DNAH6: variants seen among roughly 807,000 people sequenced by gnomAD.
DNAH6 encodes the protein dynein axonemal heavy chain 6, also known as axonemal beta dynein heavy chain 6.
A neutral mutation model predicts 491.4 loss-of-function variants in DNAH6; 340 were observed. The ratio of observed to expected loss-of-function variants is 0.69; its 90% CI spans 0.63 to 0.76. DNAH6 has a LOEUF of 0.76. Ranked by LOEUF, DNAH6 falls within the 30% of genes least tolerant of loss-of-function variation. DNAH6 has a pLI of 0.00. For missense variants in DNAH6, 4,443 were observed against 4,972.2 expected (o/e 0.89, Z 3.20); for synonymous variants, 1,603 against 1,686.1 (o/e 0.95, Z 1.21).
At chr2:84,640,241 A>G (rs1205580350) in intron 31 of DNAH6, among the ~76,000 whole-genome samples, 189 bp from the exon 32 acceptor site, 1 of 152,200 alleles carries the variant, frequency 6.6e-6, no homozygotes, top group Non-Finnish European at 1.5e-5. Context: ...ATCCCCATAC[A>G]ATATTCTGCC....
At chr2:84,503,422 A>T in the DNAH6 span, among the ~76,000 whole-genome samples, 1 of 152,146 alleles carries the variant, frequency 6.6e-6, no homozygotes, top group Non-Finnish European at 1.5e-5. Context: ...ACAAGAGTAC[A>T]AGAGTCATTT....
chr2:84,718,359 T>G lies in DNAH6; in HGVS notation c.9767T>G (p.Leu3256Arg). 1.9e-6 allele frequency: 3 copies of G among 1,540,304 alleles called. No individual in the cohort carries two copies. The highest frequency in any genetic ancestry group is 2.6e-6 in the Non-Finnish European group (3 of 1,143,892). The change falls in exon 59 of 77, where the codon CTT (leucine) becomes CGT (arginine). Residue 3256 changes from leucine (L) to arginine (R), a missense_variant. This residue lies in a region of DNAH6 where 1,463 missense variants were observed against 1,656.6 expected (regional missense o/e 0.88). Transcript: ENST00000389394. Reference protein sequence around the residue: ...SEGNILDNEELIDTLQDSKIT... With the variant: ...SEGNILDNEERIDTLQDSKIT... ...GGAAATATTCTGGACAATGAAGAAC[T>G]TATTGACACACTCCAGGATTCAAAG...
chr2:84,691,405 A>G (rs1036367756), intron 45 of DNAH6, among the ~76,000 whole-genome samples: 1 of 152,218 alleles, frequency 6.6e-6, no homozygotes, highest in Non-Finnish European at 1.5e-5. Context: ...CTCTGCCCTC[A>G]ATTTTATGCT....
At chr2:84,696,830 AC>A (rs1695444241) in intron 46 of DNAH6, among the ~76,000 whole-genome samples, 1 of 152,148 alleles carries the variant, frequency 6.6e-6, no homozygotes, top group East Asian at 1.9e-4. Context: ...TATGTAAATT[AC>A]TCATGCAAAT....
intron 29 of DNAH6, among the ~76,000 whole-genome samples, chr2:84,630,099 C>T (rs923514905): frequency 1.3e-5 from 2 of 152,040 alleles, no homozygotes; most frequent in Non-Finnish European, 2.9e-5. Flanking sequence ...TTTATCCTGC[C>T]TTTTCTGTGG....
intron 64 of DNAH6, among the ~76,000 whole-genome samples, chr2:84,770,522 A>C (rs1264670801): frequency 6.6e-6 from 1 of 152,230 alleles, no homozygotes; most frequent in Non-Finnish European, 1.5e-5. Flanking sequence ...GATAGAATTT[A>C]TTAAAAGGAA....
At chr2:84,551,253 T>A (rs1572990656) in intron 9 of DNAH6, among the ~76,000 whole-genome samples, 1 of 152,206 alleles carries the variant, frequency 6.6e-6, no homozygotes, top group East Asian at 1.9e-4. Context: ...GAATTTCTCC[T>A]TTTTATAAAT....
chr2:84,669,412 G>A lies in DNAH6; in HGVS notation c.6208G>A (p.Val2070Ile). Residue 2070 changes from valine (V) to isoleucine (I), a missense_variant, in exon 38 of 77, where the codon GTC (valine) becomes ATC (isoleucine). Val to Ile is a conservative substitution (Grantham distance 29). This residue lies in a region of DNAH6 where 2,977 missense variants were observed against 3,296.6 expected (regional missense o/e 0.90). Coordinates refer to ENST00000389394, the MANE Select transcript of DNAH6 (RefSeq NM_001370.2). ...AGATGTTCCATTTTTTGAAATGCTT[G>A]TCCCCACAACTGACACAGTGCGCTA... The part of the protein sequence containing the change: ...NRDVPFFEML[V>I]PTTDTVRYGY... 1 of 1,551,940 alleles carries A rather than the reference G, an allele frequency of 6.4e-7. No homozygotes were observed. The highest frequency in any genetic ancestry group is 1.4e-5 in the African/African-American group (1 of 73,110).
At chr2:84,691,815 C>T (rs887088984) in intron 45 of DNAH6, among the ~76,000 whole-genome samples, 2 of 151,962 alleles carry the variant, frequency 1.3e-5, no homozygotes, top group East Asian at 3.9e-4. Context: ...ATCTAAAAAC[C>T]GTTCTTATCT....
chr2:84,546,500 A>G (rs1678807656), intron 5 of DNAH6, among the ~76,000 whole-genome samples: 1 of 152,206 alleles, frequency 6.6e-6, no homozygotes, highest in Non-Finnish European at 1.5e-5. Context: ...GAACCCGAGG[A>G]TACAGAAGGA....
At chr2:84,574,673 G>A (rs1008451059) in intron 12 of DNAH6, among the ~76,000 whole-genome samples, 1 of 152,188 alleles carries the variant, frequency 6.6e-6, no homozygotes, top group Non-Finnish European at 1.5e-5. Context: ...TGGAGACTTA[G>A]TGTGTGCTGA....
chr2:84,464,366 C>G, the DNAH6 span, among the ~76,000 whole-genome samples: 23 of 152,320 alleles, frequency 1.5e-4, no homozygotes, highest in African/African-American at 5.3e-4. Context: ...CTGTCTTGCT[C>G]TGTCTCTCCT....
chr2:84,680,617 G>T (rs1693689807), intron 41 of DNAH6, among the ~76,000 whole-genome samples: 1 of 151,992 alleles, frequency 6.6e-6, no homozygotes, highest in Non-Finnish European at 1.5e-5. Flanking sequence ...TAGTGTGGCG[G>T]GGACATGGGG....
intron 2 of DNAH6, among the ~76,000 whole-genome samples, chr2:84,521,507 T>A (rs374280817): frequency 1.8e-4 from 28 of 152,338 alleles, no homozygotes; most frequent in African/African-American, 6.7e-4. Context: ...TTTGATTTTG[T>A]TGCAATTGCT....
chr2:84,523,932 G>T (rs1356994036), intron 2 of DNAH6, among the ~76,000 whole-genome samples: 1 of 152,020 alleles, frequency 6.6e-6, no homozygotes, highest in East Asian at 1.9e-4. Flanking sequence ...GCTGTTTTGG[G>T]GTGGAGAGTT....
At chr2:84,680,519 G>T (rs978343566) in intron 41 of DNAH6, among the ~76,000 whole-genome samples, 1 of 151,962 alleles carries the variant, frequency 6.6e-6, no homozygotes, top group Non-Finnish European at 1.5e-5. Flanking sequence ...GGATGAAAGG[G>T]CACCTGCCAA....
intron 56 of DNAH6, among the ~76,000 whole-genome samples, chr2:84,711,495 A>G (rs1697039243): frequency 6.6e-6 from 1 of 152,234 alleles, no homozygotes; most frequent in African/African-American, 2.4e-5. Context: ...CATGATGACT[A>G]GGAATTGTAA....
At chr2:84,504,536 T>G in the DNAH6 span, among the ~76,000 whole-genome samples, 1 of 152,312 alleles carries the variant, frequency 6.6e-6, no homozygotes, top group East Asian at 1.9e-4. Context: ...GGGGCTTGTT[T>G]GTAGCTATCC....
chr2:84,489,056 C>A, the DNAH6 span, among the ~76,000 whole-genome samples: 160 of 152,254 alleles, frequency 1.1e-3, no homozygotes, highest in African/African-American at 3.8e-3. Context: ...GGTCTGAAAT[C>A]ATTCAGGGAA....
Sources: allele counts gnomAD v4.1 joint callset (sites outside exome capture counted in the v4.1 genomes callset), GRCh38; gene constraint gnomAD v4.1.1; regional missense constraint gnomAD v4.1.1; transcripts MANE v1.5; gene names NCBI Gene and HGNC (gene_info 2026-07-23, HGNC 2026-07-21).